ITSN2: variants seen among roughly 807,000 people sequenced by gnomAD.
The protein encoded by ITSN2 is intersectin-2.
A neutral mutation model predicts 243.7 loss-of-function variants in ITSN2; 156 were observed. The observed-to-expected ratio is 0.64, with a 90% confidence interval of 0.56 to 0.73. The LOEUF (loss-of-function observed/expected upper bound fraction) is 0.73, where lower values mean the gene tolerates loss of function less well. Ranked by LOEUF, ITSN2 falls within the 30% of genes least tolerant of loss-of-function variation. The probability of loss-of-function intolerance (pLI) is 0.00; values close to 1 mark genes in which losing one functional copy is unlikely to be tolerated. For synonymous variants in ITSN2, 703 were observed against 699.9 expected (o/e 1.00, Z -0.07); for missense variants, 1,801 against 1,996.1 (o/e 0.90, Z 1.86).
At chr2:24,320,262 G>C (rs1362341615) in intron 2 of ITSN2, among the ~76,000 whole-genome samples, 1 of 151,962 alleles carries the variant, frequency 6.6e-6, no homozygotes, top group Non-Finnish European at 1.5e-5. Flanking sequence ...GCTCACGCCT[G>C]TAATCCCAGC....
intron 17 of ITSN2, among the ~76,000 whole-genome samples, chr2:24,278,979 T>C (rs1270074518): frequency 6.6e-6 from 1 of 152,236 alleles, no homozygotes. Context: ...AACAGAATGA[T>C]AGATTATCTC....
At position 24,220,954 on chromosome 2, in the gene ITSN2, G is replaced by A. The variant is rs947556724; in HGVS notation, c.3690C>T (p.Leu1230=). The A allele has an allele frequency of 2.5e-6, 4 of 1,596,222 alleles. No homozygotes were observed. Among genetic ancestry groups the A allele is most frequent in the Admixed American group, 3.5e-5 (2 of 56,770 alleles). The change falls in exon 30 of 40, where the codon CTC becomes CTT. Residue 1230 remains leucine, a synonymous_variant. Coordinates refer to ENST00000355123, the MANE Select transcript of ITSN2 (RefSeq NM_006277.3). ...GCAGCAGCCTCCTCACCTCGACGAC[G>A]AGCTGAAGGTCAGCCATGTACCGCT... ...TEERYMADLQ[L]VVEVFQKRMA... is the part of the protein sequence containing the mutation.
intron 1 of ITSN2, among the ~76,000 whole-genome samples, chr2:24,346,264 G>A (rs947724730): frequency 6.6e-6 from 1 of 152,170 alleles, no homozygotes; most frequent in Non-Finnish European, 1.5e-5. Flanking sequence ...GACAGTATGT[G>A]CTCTTGATAA....
chr2:24,333,052 T>C (rs1685963735), intron 1 of ITSN2, among the ~76,000 whole-genome samples: 1 of 152,242 alleles, frequency 6.6e-6, no homozygotes, highest in Non-Finnish European at 1.5e-5. Context: ...ACAAGGCAGA[T>C]GATACTGTAC....
rs70944743 is a variant in ITSN2 at position 24,356,345 on chromosome 2, C to CA, written c.-34+3958dup. On this transcript the variant is annotated intron_variant, in intron 1 of 39. Transcript: ENST00000355123. ...TGGGAGACAGAGCAAGACCCTGTCT[C>CA]AAAAAAAAAAAAAAAAAGAAAGAAA... Among the ~76,000 whole-genome samples the CA allele has an allele frequency of 5.7e-3, 625 of 109,340 alleles. 2 individuals carry two copies. The highest frequency in any genetic ancestry group is 1.0e-2 in the African/African-American group (280 of 28,094). The allele number at this position is 109,340 out of a possible 152,430, so 71.7% of individuals were successfully genotyped here. A position where few individuals can be genotyped will look rare whatever the true frequency, so the allele number is the denominator to read the frequency against.
chr2:24,304,646 T>C (rs1048430488), intron 8 of ITSN2, among the ~76,000 whole-genome samples: 6 of 152,168 alleles, frequency 3.9e-5, no homozygotes, highest in Non-Finnish European at 7.4e-5. Context: ...ATAAGAGAGA[T>C]GGAAGGCTAT....
At chr2:24,334,818 C>T (rs1483300224) in intron 1 of ITSN2, 19 of 1,052,846 alleles carry the variant, frequency 1.8e-5, no homozygotes, top group Non-Finnish European at 2.5e-5. Context: ...AATCCCAGCA[C>T]TTTGGGAGGC....
chr2:24,356,978 T>C (rs1167125369), intron 1 of ITSN2, among the ~76,000 whole-genome samples: 5 of 151,530 alleles, frequency 3.3e-5, no homozygotes, highest in African/African-American at 9.7e-5. Flanking sequence ...AGGAAAACAA[T>C]AGATGCTGGC....
At chr2:24,305,475 A>G (rs1481155588) in intron 8 of ITSN2, among the ~76,000 whole-genome samples, 1 of 148,280 alleles carries the variant, frequency 6.7e-6, no homozygotes, top group East Asian at 2.1e-4. Context: ...GTGTGCCTGT[A>G]GGAGGCAGGA....
In ITSN2 at chr2:24,210,934, G is replaced by C. The variant is rs1669430706; in HGVS notation, c.4103C>G (p.Thr1368Ser). 6.2e-7 allele frequency: 1 copy of C among 1,614,204 alleles called. No homozygotes were observed. The highest frequency in any genetic ancestry group is 2.2e-5 in the East Asian group (1 of 44,884). Residue 1368 changes from threonine (T) to serine (S), a missense_variant, in exon 34 of 40, where the codon ACC (threonine) becomes AGC (serine). Thr to Ser is a moderately conservative substitution (Grantham distance 58). Transcript: ENST00000355123. ...PLLIRSILEN[T>S]PESHADHSSL... ...GGAATGGTCTGCATGGCTCTCCGGG[G>C]TGTTCTCCAGAATCTGGAAAAGAGT...
At chr2:24,210,745 C>G in intron 34 of ITSN2, 35 bp downstream of exon 34, 2 of 1,598,306 alleles carry the variant, frequency 1.3e-6, no homozygotes, top group African/African-American at 1.3e-5. Context: ...CCAGAGCCTC[C>G]CTGGAGGCGC....
chr2:24,279,825 C>G (rs779292893), intron 17 of ITSN2, among the ~76,000 whole-genome samples: 19 of 151,554 alleles, frequency 1.3e-4, no homozygotes, highest in Admixed American at 2.6e-4. Flanking sequence ...CTCCGCCTCC[C>G]GGGTTCAGGT....
intron 15 of ITSN2, among the ~76,000 whole-genome samples, chr2:24,288,714 C>T (rs1679855417): frequency 6.6e-6 from 1 of 152,110 alleles, no homozygotes; most frequent in African/African-American, 2.4e-5. Flanking sequence ...TTAAAGAATA[C>T]AATGCACTAT....
rs1224971480 is a variant in ITSN2, at chr2:24,211,292, T to C, written c.4090-345A>G. ...AGCCATGTAAGGGTGCGCCCTCCTG[T>C]ATAAACTGGCTGCAGCTGTGGTAAG... On this transcript the variant is annotated intron_variant, in intron 33 of 39. Transcript: ENST00000355123. This position sits in a 1 kb window ranked among gnomAD's most constrained non-coding sequence, Gnocchi z 4.1. Among the ~76,000 whole-genome samples, 2 of 152,174 alleles carry C rather than the reference T, an allele frequency of 1.3e-5. No homozygotes were observed. Among genetic ancestry groups the C allele is most frequent in the Non-Finnish European group, 2.9e-5 (2 of 68,038 alleles).
intron 1 of ITSN2, among the ~76,000 whole-genome samples, chr2:24,343,202 G>A (rs886332573): frequency 6.6e-6 from 1 of 151,208 alleles, no homozygotes; most frequent in African/African-American, 2.4e-5. Context: ...ATTAGCATAA[G>A]ATCCTTAAAA....
chr2:24,231,825 G>A (rs767405469), intron 29 of ITSN2, among the ~76,000 whole-genome samples: 12 of 152,146 alleles, frequency 7.9e-5, no homozygotes, highest in African/African-American at 2.4e-4. Flanking sequence ...GAGCAGTGCC[G>A]GTGAACAATG....
chr2:24,286,212 CT>C lies in ITSN2; in HGVS notation c.1862del (p.Lys621SerfsTer17). 6.4e-7 allele frequency: 1 copy of C among 1,560,048 alleles called. No homozygotes were observed. The highest frequency in any genetic ancestry group is 8.7e-7 in the Non-Finnish European group (1 of 1,144,726). On this transcript the variant is annotated frameshift_variant and splice_region_variant, in exon 16 of 40. Transcript: ENST00000355123. LOFTEE classifies it high-confidence loss of function. ...SEMDSFNNQLKCGNMDDSVLQ... is the reference protein window; with the variant it reads ...SEMDSFNNQLXCGNMDDSVLQ... ...AATAAATAGTATCAAAAATAAATAC[CT>C]TTAGTTGATTGTTAAAAGAATCCAT... is the stretch of plus-strand genomic sequence containing the variant.
intron 8 of ITSN2, among the ~76,000 whole-genome samples, chr2:24,306,168 T>A (rs974642840): frequency 6.6e-6 from 1 of 152,112 alleles, no homozygotes; most frequent in Non-Finnish European, 1.5e-5. Flanking sequence ...TTAGTAGCGA[T>A]GGGGTTTCAC....
chr2:24,209,674 G>C, intron 35 of ITSN2, 144 bp downstream of exon 35: 1 of 649,486 alleles, frequency 1.5e-6, no homozygotes, highest in Non-Finnish European at 2.7e-6. Flanking sequence ...CCTTCCCGTG[G>C]GAAGCAGCAA....
Sources: allele counts gnomAD v4.1 joint callset (sites outside exome capture counted in the v4.1 genomes callset), GRCh38; gene constraint gnomAD v4.1.1; non-coding constraint Gnocchi (gnomAD v3.1); transcripts MANE v1.5; gene names NCBI Gene and HGNC (gene_info 2026-07-23, HGNC 2026-07-21).